The following CDH18 variants were observed in gnomAD, a reference collection of about 807,000 sequenced individuals.
CDH18 encodes cadherin 18, also known as cadherin-18.
Under a neutral mutation model 67.9 loss-of-function variants are expected in CDH18, and 31 were observed. The ratio of observed to expected loss-of-function variants is 0.46; its 90% CI spans 0.34 to 0.62. The LOEUF (loss-of-function observed/expected upper bound fraction) is 0.62, where lower values mean the gene tolerates loss of function less well. Ranked by LOEUF, CDH18 falls within the 20% of genes least tolerant of loss-of-function variation. The pLI, the probability that CDH18 is intolerant of heterozygous loss-of-function variation, is 0.01. For missense variants in CDH18, 890 were observed against 975.5 expected (o/e 0.91, Z 1.17); for synonymous variants, 362 against 347.2 (o/e 1.04, Z -0.48).
intron 2 of CDH18, among the ~76,000 whole-genome samples, chr5:20,241,664 A>T (rs1379490499): frequency 6.6e-6 from 1 of 151,854 alleles, no homozygotes; most frequent in Admixed American, 6.6e-5. Context: ...ATCCTGGCTA[A>T]TATGGTGAAA....
chr5:19,529,020 A>G (rs1250226926), intron 9 of CDH18, among the ~76,000 whole-genome samples: 1 of 151,944 alleles, frequency 6.6e-6, no homozygotes, highest in East Asian at 1.9e-4. Context: ...CAACTGATTA[A>G]AACTGGCCTG....
chr5:19,890,303 G>A (rs924872757), intron 2 of CDH18, among the ~76,000 whole-genome samples: 1 of 151,716 alleles, frequency 6.6e-6, no homozygotes, highest in African/African-American at 2.4e-5. Flanking sequence ...TGATTACTTC[G>A]GGCCCACCCA....
chr5:19,937,059 GA>G (rs1352633985), intron 2 of CDH18, among the ~76,000 whole-genome samples: 1 of 151,070 alleles, frequency 6.6e-6, no homozygotes, highest in Non-Finnish European at 1.5e-5. Context: ...GCAATTTTTT[GA>G]AAACCAATGT....
chr5:20,092,075 T>A (rs185381225), intron 2 of CDH18, among the ~76,000 whole-genome samples: 1 of 152,144 alleles, frequency 6.6e-6, no homozygotes, highest in South Asian at 2.1e-4. Flanking sequence ...ATTAAGGTAA[T>A]TGCATTTTTT....
intron 1 of CDH18, among the ~76,000 whole-genome samples, chr5:20,392,339 A>T (rs1254495140): frequency 6.6e-6 from 1 of 151,878 alleles, no homozygotes; most frequent in Non-Finnish European, 1.5e-5. Flanking sequence ...AAGAGAAATT[A>T]TAGAAAAAAA....
chr5:19,490,936 C>G (rs915620059), intron 11 of CDH18, among the ~76,000 whole-genome samples: 3 of 151,948 alleles, frequency 2.0e-5, no homozygotes, highest in African/African-American at 7.3e-5. Context: ...TTTGAAATAA[C>G]CAGAGAGAGA....
At chr5:19,674,564 T>C (rs1012889803) in intron 5 of CDH18, among the ~76,000 whole-genome samples, 5 of 152,082 alleles carry the variant, frequency 3.3e-5, no homozygotes, top group African/African-American at 1.2e-4. Context: ...AATCTAATGG[T>C]AAGTAGTCAA....
intron 1 of CDH18, among the ~76,000 whole-genome samples, chr5:20,497,080 CAAA>C (rs1283927338): frequency 6.6e-6 from 1 of 151,668 alleles, no homozygotes; most frequent in Admixed American, 6.6e-5. Context: ...AAGCAAATGT[CAAA>C]AGGAATAGCC....
chr5:20,027,932 C>T (rs1336492555), intron 2 of CDH18, among the ~76,000 whole-genome samples: 4 of 152,194 alleles, frequency 2.6e-5, no homozygotes, highest in Middle Eastern at 3.4e-3. Context: ...AAATATGAGA[C>T]GACTTTTTGT....
chr5:19,523,569 G>GA (rs199704205), intron 9 of CDH18, among the ~76,000 whole-genome samples: 4 of 151,086 alleles, frequency 2.6e-5, no homozygotes, highest in Admixed American at 1.3e-4. Context: ...AAATAAACAT[G>GA]AAAAAAAATC....
At chr5:19,744,777 T>C (rs901375679) in intron 4 of CDH18, among the ~76,000 whole-genome samples, 1 of 152,232 alleles carries the variant, frequency 6.6e-6, no homozygotes, top group Non-Finnish European at 1.5e-5. Flanking sequence ...AACAGATTCC[T>C]CTATTTCATG....
chr5:19,877,223 A>AG (rs1201796830), intron 2 of CDH18, among the ~76,000 whole-genome samples: 6 of 152,286 alleles, frequency 3.9e-5, no homozygotes, highest in African/African-American at 1.4e-4. Flanking sequence ...ACTGTAAAAA[A>AG]AAAACCTATA....
At chr5:20,509,713 C>G (rs1377778266) in intron 1 of CDH18, among the ~76,000 whole-genome samples, 1 of 60,262 alleles carries the variant, frequency 1.7e-5, no homozygotes, top group Non-Finnish European at 3.8e-5. Context: ...GCCATCATGC[C>G]CAGCCGATTT....
At chr5:19,974,546 G>T (rs1444037019) in intron 2 of CDH18, among the ~76,000 whole-genome samples, 1 of 150,044 alleles carries the variant, frequency 6.7e-6, no homozygotes, top group Non-Finnish European at 1.5e-5. Context: ...AAAAAAAAGA[G>T]GGAAGTTTCC....
intron 2 of CDH18, among the ~76,000 whole-genome samples, chr5:19,868,084 T>A (rs945168798): frequency 3.3e-5 from 5 of 152,164 alleles, no homozygotes; most frequent in Non-Finnish European, 5.9e-5. Flanking sequence ...CAATTAAACC[T>A]CTTTCTTTTA....
chr5:20,573,350 GTTTT>G (rs750074385), intron 1 of CDH18, among the ~76,000 whole-genome samples: 4 of 150,344 alleles, frequency 2.7e-5, no homozygotes, highest in Admixed American at 6.7e-5. Context: ...TTAGAATTAC[GTTTT>G]TTTTTAATTG....
intron 2 of CDH18, among the ~76,000 whole-genome samples, chr5:20,051,862 G>A (rs1375559652): frequency 6.6e-6 from 1 of 151,974 alleles, no homozygotes; most frequent in Non-Finnish European, 1.5e-5. Context: ...CATACGGGAT[G>A]TGTAAGATGA....
intron 2 of CDH18, among the ~76,000 whole-genome samples, chr5:19,968,880 A>G (rs1167497551): frequency 6.9e-6 from 1 of 144,298 alleles, no homozygotes; most frequent in Non-Finnish European, 1.5e-5. Flanking sequence ...GCACAGCAAA[A>G]GAAACTACCA....
chr5:20,482,803 C>T (rs1752909001), intron 1 of CDH18, among the ~76,000 whole-genome samples: 1 of 151,926 alleles, frequency 6.6e-6, no homozygotes, highest in Non-Finnish European at 1.5e-5. Context: ...TTCAACAGAC[C>T]CACAGCTAGT....
Sources: gnomAD v4.1 joint callset for allele counts (sites outside exome capture counted in the v4.1 genomes callset) on GRCh38, gnomAD v4.1.1 for gene constraint, MANE v1.5 for transcripts, NCBI Gene and HGNC (gene_info 2026-07-23, HGNC 2026-07-21) for gene names.